Variants in OR4F6 observed in about 807,000 individuals in gnomAD.
OR4F6 encodes olfactory receptor 4F6.
A neutral mutation model predicts 15.9 loss-of-function variants in OR4F6; 13 were observed. The observed-to-expected ratio is 0.82, with a 90% CI of 0.53 to 1.30. OR4F6 has a LOEUF of 1.30. Ranked by LOEUF, OR4F6 falls within the 50% of genes most tolerant of loss-of-function variation. OR4F6 has a pLI of 0.00. For missense variants in OR4F6, 426 were observed against 367.2 expected (o/e 1.16, Z -1.31); for synonymous variants, 150 against 133.8 (o/e 1.12, Z -0.83).
rs749188506 is a variant in OR4F6, at chr15:101,806,174, G to T, written c.455G>T (p.Gly152Val). Residue 152 changes from glycine to valine, a missense_variant, in exon 2 of 2, where the codon GGT becomes GTT. By Grantham distance (109) the Gly-to-Val change is moderately radical (BLOSUM62 -3). Transcript: ENST00000328882. Reference protein sequence around the residue: ...ILFLVISWIIGIIHSVIQLAF... With the variant: ...ILFLVISWIIVIIHSVIQLAF... ...TTTTTAGTCATTTCCTGGATTATAG[G>T]TATTATTCACTCAGTGATTCAGTTG... The T allele has an allele frequency of 6.2e-7, 1 of 1,614,072 alleles. No individual in the cohort carries two copies. Among genetic ancestry groups the T allele is most frequent in the East Asian group, 2.2e-5 (1 of 44,876 alleles).
In OR4F6 at chr15:101,806,371, T is replaced by G; in HGVS notation, c.652T>G (p.Tyr218Asp). 1 of 1,614,092 alleles carries G rather than the reference T, an allele frequency of 6.2e-7. No individual in the cohort carries two copies. The highest frequency in any genetic ancestry group is 8.5e-7 in the Non-Finnish European group (1 of 1,179,966). The stretch of plus-strand genomic sequence containing the variant: ...TTCTTTTTTAATTCTCATAATCTCT[T>G]ACATCTTTATTTTGGTGACTGTTCA... The part of the protein sequence containing the change: ...LASFLILIIS[Y>D]IFILVTVQKK... The change falls in exon 2 of 2, where the codon TAC becomes GAC. Residue 218 changes from tyrosine (Y) to aspartate (D), a missense_variant. Physicochemically the swap from Tyr to Asp is radical, Grantham distance 160. Transcript: ENST00000328882.
chr15:101,806,698 T>C lies in OR4F6; in HGVS notation c.*40T>C. On this transcript the variant is annotated 3_prime_UTR_variant, in exon 2 of 2. Coordinates refer to ENST00000328882, the MANE Select transcript of OR4F6 (RefSeq NM_001005326.2). ...TACAAAAAGGCAAATTATACTAGAA[T>C]TTCAGACAGATATGTGTTAAGTAAG... is the stretch of plus-strand genomic sequence containing the variant. 8.6e-7 allele frequency: 1 copy of C among 1,164,574 alleles called. No homozygotes were observed. The highest frequency in any genetic ancestry group is 1.2e-6 in the Non-Finnish European group (1 of 833,842). 72.1% of individuals were successfully genotyped at this position (1,164,574 alleles called of 1,614,324 possible).
rs964830333 is a variant in OR4F6 at position 101,805,639 on chromosome 15, A to G, written c.-33-48A>G. 21 of 1,147,904 alleles carry G rather than the reference A, an allele frequency of 1.8e-5. No homozygotes were observed. The Middle Eastern group carries it at 8.1e-4, about 44-fold the overall frequency. 71.1% of individuals were successfully genotyped at this position (1,147,904 alleles called of 1,614,324 possible). ...AATTGCTCATGATTTTGCCAACATCAATGCTTTTTGTCCTAAATCAAAGTT... is the reference window on the plus strand; with the variant it reads ...AATTGCTCATGATTTTGCCAACATCGATGCTTTTTGTCCTAAATCAAAGTT... On this transcript the variant is annotated intron_variant, in intron 1 of 1. Coordinates refer to ENST00000328882, the MANE Select transcript of OR4F6 (RefSeq NM_001005326.2).
In OR4F6 at chr15:101,806,167, A is replaced by T; in HGVS notation, c.448A>T (p.Ile150Phe). The T allele has an allele frequency of 6.2e-7, 1 of 1,614,086 alleles. No homozygotes were observed. Among genetic ancestry groups the T allele is most frequent in the South Asian group, 1.1e-5 (1 of 91,072 alleles). The change falls in exon 2 of 2, where the codon ATT becomes TTT. Residue 150 changes from isoleucine to phenylalanine, a missense_variant. Coordinates refer to ENST00000328882, the MANE Select transcript of OR4F6 (RefSeq NM_001005326.2). Reference sequence around the variant, plus strand: ...CATTTTGTTTTTAGTCATTTCCTGGATTATAGGTATTATTCACTCAGTGAT... The same window carrying T: ...CATTTTGTTTTTAGTCATTTCCTGGTTTATAGGTATTATTCACTCAGTGAT... The part of the protein sequence containing the change: ...RCILFLVISW[I>F]IGIIHSVIQL...
chr15:101,806,411 G>A lies in OR4F6; in HGVS notation c.692G>A (p.Gly231Asp), dbSNP rs760928280. 5.6e-6 allele frequency: 9 copies of A among 1,613,470 alleles called. No homozygotes were observed. In the East Asian group the frequency reaches 1.3e-4, roughly 24 times the overall value. ...ILVTVQKKSS[G>D]GIFKAFSMLS... Reference sequence around the variant, plus strand: ...GTGACTGTTCAGAAAAAATCTTCAGGTGGTATATTCAAGGCTTTCTCTATG... The same window carrying A: ...GTGACTGTTCAGAAAAAATCTTCAGATGGTATATTCAAGGCTTTCTCTATG... The change falls in exon 2 of 2, where the codon GGT (glycine) becomes GAT (aspartate). Residue 231 changes from glycine (G) to aspartate (D), a missense_variant. Gly to Asp is a moderately conservative substitution (Grantham distance 94). Coordinates refer to ENST00000328882, the MANE Select transcript of OR4F6 (RefSeq NM_001005326.2).
At chr15:101,805,291 G>A (rs990251721) in intron 1 of OR4F6, among the ~76,000 whole-genome samples, 16 of 152,084 alleles carry the variant, frequency 1.1e-4, no homozygotes, top group African/African-American at 3.6e-4. Flanking sequence ...TAAAGGTAAG[G>A]GTATCAAAGA....
intron 1 of OR4F6, among the ~76,000 whole-genome samples, chr15:101,804,412 T>A (rs984670743): frequency 1.3e-5 from 2 of 152,156 alleles, no homozygotes; most frequent in East Asian, 3.8e-4. Flanking sequence ...GAGGACAGAG[T>A]GAGTTGATCA....
Position 101,805,679 on chromosome 15 carries a change from T to C in OR4F6, c.-33-8T>C, listed in dbSNP as rs1219478435. On this transcript the variant is annotated splice_region_variant and splice_polypyrimidine_tract_variant and intron_variant, in intron 1 of 1. Coordinates refer to ENST00000328882, the MANE Select transcript of OR4F6 (RefSeq NM_001005326.2). ...AAATCAAAGTTTCTCCTTACTCTCC[T>C]CTTTCAGTTAGCATGAGAGTTGTCA... 1.3e-6 allele frequency: 2 copies of C among 1,484,384 alleles called. No homozygotes were observed. The highest frequency in any genetic ancestry group is 9.2e-7 in the Non-Finnish European group (1 of 1,085,430). 92.0% of individuals were successfully genotyped at this position (1,484,384 alleles called of 1,614,324 possible).
Position 101,805,819 on chromosome 15 carries a change from T to C in OR4F6, c.100T>C (p.Phe34Leu). Residue 34 changes from phenylalanine (F) to leucine (L), a missense_variant, in exon 2 of 2, where the codon TTC becomes CTC. Transcript: ENST00000328882. ...QLLLFLFFSV[F>L]YVSSLMGNLL... is the part of the protein sequence containing the mutation. ...CCTCCTCTTCCTCTTTTTCTCAGTG[T>C]TCTATGTGTCAAGCCTGATGGGAAA... 6.2e-7 allele frequency: 1 copy of C among 1,614,110 alleles called. No individual in the cohort carries two copies. The highest frequency in any genetic ancestry group is 8.5e-7 in the Non-Finnish European group (1 of 1,179,990).
rs1902806687 is a variant in OR4F6, at chr15:101,806,403, A to T, written c.684A>T (p.Lys228Asn). ...TTATTTTGGTGACTGTTCAGAAAAA[A>T]TCTTCAGGTGGTATATTCAAGGCTT... ...YIFILVTVQK[K>N]SSGGIFKAFS... Residue 228 changes from lysine to asparagine, a missense_variant, in exon 2 of 2, where the codon AAA (lysine) becomes AAT (asparagine). Coordinates refer to ENST00000328882, the MANE Select transcript of OR4F6 (RefSeq NM_001005326.2). 6.2e-7 allele frequency: 1 copy of T among 1,613,614 alleles called. No homozygotes were observed. Among genetic ancestry groups the T allele is most frequent in the African/African-American group, 1.3e-5 (1 of 74,790 alleles).
chr15:101,805,479 A>G (rs1902780559), intron 1 of OR4F6, among the ~76,000 whole-genome samples: 1 of 152,132 alleles, frequency 6.6e-6, no homozygotes, highest in Non-Finnish European at 1.5e-5. Flanking sequence ...CATTCAAGTA[A>G]GTAAAGGAGT....
In OR4F6 at chr15:101,806,030, T is replaced by A; in HGVS notation, c.311T>A (p.Ile104Asn). The change falls in exon 2 of 2, where the codon ATC (isoleucine) becomes AAC (asparagine). Residue 104 changes from isoleucine to asparagine, a missense_variant. Ile to Asn is a moderately radical substitution (Grantham distance 149). Transcript: ENST00000328882. Reference protein sequence around the residue: ...FGGCVVQIFFIHAVGGTEMVL... With the variant: ...FGGCVVQIFFNHAVGGTEMVL... ...GGCTGTGTAGTTCAGATCTTCTTTATCCATGCAGTTGGGGGAACTGAGATG... is the reference window on the plus strand; with the variant it reads ...GGCTGTGTAGTTCAGATCTTCTTTAACCATGCAGTTGGGGGAACTGAGATG... 2 of 1,614,206 alleles carry A rather than the reference T, an allele frequency of 1.2e-6. No homozygotes were observed. The highest frequency in any genetic ancestry group is 1.7e-6 in the Non-Finnish European group (2 of 1,180,028).
At position 101,806,462 on chromosome 15, in the gene OR4F6, T is replaced by A; in HGVS notation, c.743T>A (p.Val248Asp). The change falls in exon 2 of 2, where the codon GTT becomes GAT. Residue 248 changes from valine to aspartate, a missense_variant. Physicochemically the swap from Val to Asp is radical, Grantham distance 152. Coordinates refer to ENST00000328882, the MANE Select transcript of OR4F6 (RefSeq NM_001005326.2). ...CTGTCAGCTCATGTCATTGTGGTGG[T>A]TTTGGTCTTTGGGCCATTAATCTTT... ...SMLSAHVIVV[V>D]LVFGPLIFFY... is the part of the protein sequence containing the mutation. 1.2e-6 allele frequency: 2 copies of A among 1,613,686 alleles called. No individual in the cohort carries two copies.
Position 101,806,744 on chromosome 15 carries a change from A to G in OR4F6, c.*86A>G. ...GTAAGCTATGTTAAATTTAACCAGA[A>G]TATCACTTTCTACTAGTATGTATTG... On this transcript the variant is annotated 3_prime_UTR_variant, in exon 2 of 2. Coordinates refer to ENST00000328882, the MANE Select transcript of OR4F6 (RefSeq NM_001005326.2). The G allele has an allele frequency of 1.3e-6, 1 of 776,792 alleles. No individual in the cohort carries two copies. The highest frequency in any genetic ancestry group is 2.0e-6 in the Non-Finnish European group (1 of 495,540). 48.1% of individuals were successfully genotyped at this position (776,792 alleles called of 1,614,324 possible).
Position 101,805,940 on chromosome 15 carries a change from G to A in OR4F6, c.221G>A (p.Cys74Tyr). The change falls in exon 2 of 2, where the codon TGT becomes TAT. Residue 74 changes from cysteine (C) to tyrosine (Y), a missense_variant. Physicochemically the swap from Cys to Tyr is radical, Grantham distance 194 (BLOSUM62 -2). Coordinates refer to ENST00000328882, the MANE Select transcript of OR4F6 (RefSeq NM_001005326.2). ...ANLSIINLVF[C>Y]SSTAPKMIYD... ...CTTTCCATCATCAATTTGGTATTTT[G>A]TTCCTCCACAGCTCCCAAGATGATT... The A allele has an allele frequency of 6.2e-7, 1 of 1,614,006 alleles. No individual in the cohort carries two copies. Among genetic ancestry groups the A allele is most frequent in the Non-Finnish European group, 8.5e-7 (1 of 1,179,988 alleles).
rs1398643802 is a variant in OR4F6 at position 101,806,210 on chromosome 15, T to C, written c.491T>C (p.Val164Ala). 2.5e-6 allele frequency: 4 copies of C among 1,614,088 alleles called. No homozygotes were observed. Among genetic ancestry groups the C allele is most frequent in the Non-Finnish European group, 3.4e-6 (4 of 1,180,008 alleles). ...IHSVIQLAFV[V>A]DLLFCGPNEL... Reference sequence around the variant, plus strand: ...TCAGTGATTCAGTTGGCTTTTGTTGTAGACCTGCTGTTCTGTGGCCCTAAT... The same window carrying C: ...TCAGTGATTCAGTTGGCTTTTGTTGCAGACCTGCTGTTCTGTGGCCCTAAT... The change falls in exon 2 of 2, where the codon GTA (valine) becomes GCA (alanine). Residue 164 changes from valine to alanine, a missense_variant. Physicochemically the swap from Val to Ala is moderately conservative, Grantham distance 64. Coordinates refer to ENST00000328882, the MANE Select transcript of OR4F6 (RefSeq NM_001005326.2).
At chr15:101,804,086 G>T (rs1902758543) in intron 1 of OR4F6, among the ~76,000 whole-genome samples, 1 of 152,172 alleles carries the variant, frequency 6.6e-6, no homozygotes, top group African/African-American at 2.4e-5. Context: ...TAAAATGAAA[G>T]AATTTTACAA....
In OR4F6 at chr15:101,806,149, T is replaced by G; in HGVS notation, c.430T>G (p.Phe144Val). The change falls in exon 2 of 2, where the codon TTT becomes GTT. Residue 144 changes from phenylalanine to valine, a missense_variant. Physicochemically the swap from Phe to Val is conservative, Grantham distance 50. Transcript: ENST00000328882. ...CATGAACCCACAAAGGTGCATTTTG[T>G]TTTTAGTCATTTCCTGGATTATAGG... Reference protein sequence around the residue: ...TIMNPQRCILFLVISWIIGII... With the variant: ...TIMNPQRCILVLVISWIIGII... 6.2e-7 allele frequency: 1 copy of G among 1,614,148 alleles called. No homozygotes were observed. The highest frequency in any genetic ancestry group is 8.5e-7 in the Non-Finnish European group (1 of 1,179,996).
Position 101,806,036 on chromosome 15 carries a change from C to T in OR4F6, c.317C>T (p.Ala106Val), listed in dbSNP as rs1356137251. The T allele has an allele frequency of 1.4e-5, 22 of 1,614,026 alleles. No individual in the cohort carries two copies. The highest frequency in any genetic ancestry group is 1.8e-5 in the Non-Finnish European group (21 of 1,180,008). ...GTAGTTCAGATCTTCTTTATCCATGCAGTTGGGGGAACTGAGATGGTGCTG... is the reference window on the plus strand; with the variant it reads ...GTAGTTCAGATCTTCTTTATCCATGTAGTTGGGGGAACTGAGATGGTGCTG... ...GCVVQIFFIHAVGGTEMVLLI... is the reference protein window; with the variant it reads ...GCVVQIFFIHVVGGTEMVLLI... The change falls in exon 2 of 2, where the codon GCA becomes GTA. Residue 106 changes from alanine to valine, a missense_variant. By Grantham distance (64) the Ala-to-Val change is moderately conservative. Coordinates refer to ENST00000328882, the MANE Select transcript of OR4F6 (RefSeq NM_001005326.2).
Sources: gnomAD v4.1 joint callset for allele counts (sites outside exome capture counted in the v4.1 genomes callset) on GRCh38, gnomAD v4.1.1 for gene constraint, MANE v1.5 for transcripts, NCBI Gene and HGNC (gene_info 2026-07-23, HGNC 2026-07-21) for gene names.